The following ZNF831 variants were observed in gnomAD, a reference collection of about 807,000 sequenced individuals.
ZNF831 encodes the protein chromosome 20 open reading frame 174.
Under a neutral mutation model 95.8 loss-of-function variants are expected in ZNF831, and 59 were observed. The ratio of observed to expected loss-of-function variants is 0.62; its 90% CI spans 0.50 to 0.77. The LOEUF (loss-of-function observed/expected upper bound fraction) is 0.77, where lower values mean the gene tolerates loss of function less well. Among genes scored for constraint, ZNF831 ranks in the 30% least tolerant of loss-of-function variants. The pLI is 0.00. For synonymous variants in ZNF831, 961 were observed against 925.5 expected, an observed-to-expected ratio of 1.04 and a Z score of -0.70; for missense variants, 2,205 against 2,164.0, an observed-to-expected ratio of 1.02 and a Z score of -0.38.
In ZNF831 at chr20:59,192,188, C is replaced by T. The variant is rs780825984; in HGVS notation, c.1169C>T (p.Pro390Leu). The T allele has an allele frequency of 2.4e-5, 37 of 1,570,986 alleles. No individual in the cohort carries two copies. Among genetic ancestry groups the T allele is most frequent in the Non-Finnish European group, 3.2e-5 (37 of 1,160,764 alleles). The change falls in exon 2 of 6, where the codon CCC (proline) becomes CTC (leucine). Residue 390 changes from proline (P) to leucine (L), a missense_variant. Transcript: ENST00000371030. This position sits in a 1 kb window ranked among gnomAD's most constrained non-coding sequence, Gnocchi z 5.2. ...GPGPGVAGAE[P>L]GAREAGLELE... ...GGGCCAGGGGTCGCAGGGGCCGAGC[C>T]CGGGGCGCGAGAAGCCGGCCTGGAG...
At chr20:59,139,733 A>T (rs557230107) in intron 1 of ZNF831, among the ~76,000 whole-genome samples, 121 of 152,336 alleles carry the variant, frequency 7.9e-4, no homozygotes, top group African/African-American at 2.9e-3. Flanking sequence ...AAAACTGTAT[A>T]TAATTTTAAA....
chr20:59,229,461 G>T (rs6513430), intron 4 of ZNF831, among the ~76,000 whole-genome samples: 2,364 of 152,268 alleles, frequency 0.016, 57 homozygotes, highest in African/African-American at 0.053. Flanking sequence ...TGATGGTCCT[G>T]ATGGGAGACC....
intron 4 of ZNF831, among the ~76,000 whole-genome samples, chr20:59,223,822 ACACACATACACGCACGGACGTGCACTTG>A (rs779763600): frequency 1.1e-3 from 171 of 152,354 alleles, no homozygotes; most frequent in Non-Finnish European, 1.8e-3. Flanking sequence ...GCTAATTTAA[ACACACATACACGCACGGACGTGCACTTG>A]CACACATACC....
At chr20:59,233,043 C>CACAG (rs1308472101) in intron 4 of ZNF831, among the ~76,000 whole-genome samples, 42 of 134,446 alleles carry the variant, frequency 3.1e-4, no homozygotes, top group African/African-American at 1.2e-3. Context: ...CACACACACA[C>CACAG]ATAGAGAGAG....
chr20:59,249,132 A>G (rs1191117446), intron 4 of ZNF831, among the ~76,000 whole-genome samples: 1 of 152,140 alleles, frequency 6.6e-6, no homozygotes, highest in Non-Finnish European at 1.5e-5. Flanking sequence ...TGTCTAGAAT[A>G]TCCTTTGTGG....
rs1985066060 is a variant in ZNF831 at position 59,208,557 on chromosome 20, A to G, written c.4027+1501A>G. On this transcript the variant is annotated intron_variant, in intron 4 of 5. Transcript: ENST00000371030. The surrounding 1 kb of genome is among the most constrained non-coding windows in gnomAD (Gnocchi z 4.2). ...CCAGGTCCAGCCCAGCACCCTCTGA[A>G]GTGCCAACTCAGGGTACCTGGGAAT... Among the ~76,000 whole-genome samples, 1 of 152,160 alleles carries G rather than the reference A, an allele frequency of 6.6e-6. No homozygotes were observed. Among genetic ancestry groups the G allele is most frequent in the Non-Finnish European group, 1.5e-5 (1 of 68,028 alleles).
chr20:59,174,932 T>A (rs1445265598), intron 1 of ZNF831, among the ~76,000 whole-genome samples: 1 of 152,154 alleles, frequency 6.6e-6, no homozygotes, highest in Non-Finnish European at 1.5e-5. Context: ...GGTGACAGAT[T>A]CTATTTGTTT....
chr20:59,192,582 G>T lies in ZNF831; in HGVS notation c.1563G>T (p.Glu521Asp), dbSNP rs1384254379. ...CCAGGACGTGGCTGGAGCCCAGGGAGCCCCGGGACCCCTGGTCCAGGACGC... is the reference window on the plus strand; with the variant it reads ...CCAGGACGTGGCTGGAGCCCAGGGATCCCCGGGACCCCTGGTCCAGGACGC... The part of the protein sequence containing the change: ...EGSRTWLEPR[E>D]PRDPWSRTQK... The change falls in exon 2 of 6, where the codon GAG becomes GAT. Residue 521 changes from glutamate to aspartate, a missense_variant. Glu to Asp is a conservative substitution (Grantham distance 45). Transcript: ENST00000371030. The surrounding 1 kb of genome is among the most constrained non-coding windows in gnomAD (Gnocchi z 5.2). The T allele has an allele frequency of 1.3e-6, 2 of 1,514,454 alleles. No individual in the cohort carries two copies. The highest frequency in any genetic ancestry group is 2.3e-5 in the East Asian group (1 of 43,752). 93.8% of individuals were successfully genotyped at this position (1,514,454 alleles called of 1,614,324 possible).
intron 4 of ZNF831, among the ~76,000 whole-genome samples, chr20:59,211,779 T>TTGTGTGTGTGTGTGTG (rs11472424): frequency 0.011 from 1,543 of 146,722 alleles, 19 homozygotes; most frequent in African/African-American, 0.037. Flanking sequence ...GGAGCTGACC[T>TTGTGTGTGTGTGTGTG]TGTGTGTGTG....
intron 2 of ZNF831, among the ~76,000 whole-genome samples, chr20:59,195,373 C>T (rs1041947832): frequency 1.1e-4 from 16 of 152,264 alleles, no homozygotes; most frequent in South Asian, 6.2e-4. Context: ...GTGGCTTGGG[C>T]CGCGGCCACT....
Position 59,204,991 on chromosome 20 carries a change from G to A in ZNF831, c.3876-1914G>A, listed in dbSNP as rs183458768. Among the ~76,000 whole-genome samples the A allele has an allele frequency of 6.0e-4, 92 of 152,306 alleles. 1 individual carries two copies. Among genetic ancestry groups the A allele is most frequent in the African/African-American group, 2.1e-3 (88 of 41,570 alleles). On this transcript the variant is annotated intron_variant, in intron 3 of 5. Transcript: ENST00000371030. Reference sequence around the variant, plus strand: ...CTTGGGCTGTTCTCGAAGGCAAAAAGTTTGAAATTCCACCTTGATGAAGTG... The same window carrying A: ...CTTGGGCTGTTCTCGAAGGCAAAAAATTTGAAATTCCACCTTGATGAAGTG...
intron 1 of ZNF831, among the ~76,000 whole-genome samples, chr20:59,189,183 AAAAAAAAT>A (rs933577626): frequency 5.9e-5 from 9 of 152,110 alleles, no homozygotes; most frequent in East Asian, 5.8e-4. Flanking sequence ...GCCATCTCAA[AAAAAAAAT>A]AAAAAAATAA....
chr20:59,159,989 T>C, upstream of ZNF831: 1 of 152,324 alleles, frequency 6.6e-6, no homozygotes, highest in East Asian at 1.9e-4. Context: ...GCTGGCTCTG[T>C]GCCAGGCCCT....
intron 4 of ZNF831, among the ~76,000 whole-genome samples, chr20:59,221,011 T>G (rs1986038033): frequency 6.6e-6 from 1 of 152,202 alleles, no homozygotes; most frequent in Non-Finnish European, 1.5e-5. Flanking sequence ...ATGAAGCCTG[T>G]CCAGGAATAC....
At chr20:59,229,631 A>G (rs1238736504) in intron 4 of ZNF831, among the ~76,000 whole-genome samples, 1 of 152,220 alleles carries the variant, frequency 6.6e-6, no homozygotes, top group Non-Finnish European at 1.5e-5. Flanking sequence ...ATTTTTCCAT[A>G]TAACAAGGCG....
intron 4 of ZNF831, among the ~76,000 whole-genome samples, chr20:59,207,828 G>A (rs1347456778): frequency 6.6e-6 from 1 of 152,226 alleles, no homozygotes; most frequent in Admixed American, 6.5e-5. Context: ...GTGGTTCATT[G>A]TTGTCTGTTT....
In ZNF831 at chr20:59,158,233, T is replaced by C. The variant is rs78245525; in HGVS notation, c.-1280-1419T>C. On this transcript the variant is annotated intron_variant, in intron 2 of 7. Transcript: ENST00000637017. ...AGAAGGCGATTACTCCGGGGGAGCA[T>C]TGGGCACTGAGAGGTTGTGTGCCTT... Among the ~76,000 whole-genome samples, 903 of 152,308 alleles carry C rather than the reference T, an allele frequency of 5.9e-3. 11 individuals are homozygous for C. Among genetic ancestry groups the C allele is most frequent in the African/African-American group, 0.021 (854 of 41,574 alleles).
Position 59,191,155 on chromosome 20 carries a change from C to T in ZNF831, c.136C>T (p.Gln46Ter), listed in dbSNP as rs1268731433. 1 of 1,601,876 alleles carries T rather than the reference C, an allele frequency of 6.2e-7. No homozygotes were observed. The highest frequency in any genetic ancestry group is 2.2e-5 in the East Asian group (1 of 44,812). The stretch of plus-strand genomic sequence containing the variant: ...GGGCCCTGTCCTTCTGCCGCCAGAG[C>T]AGGGCCTGGCCCCCCCCACTGTGTT... Reference protein sequence around the residue: ...TLGPVLLPPEQGLAPPTVFLK... With the variant: ...TLGPVLLPPE The change falls in exon 2 of 6, where the codon CAG becomes TAG. Residue 46 changes from glutamine to a stop codon, truncating the protein, a stop_gained. Coordinates refer to ENST00000371030, the MANE Select transcript of ZNF831 (RefSeq NM_178457.3). LOFTEE classifies it high-confidence loss of function.
intron 4 of ZNF831, among the ~76,000 whole-genome samples, chr20:59,232,040 T>G (rs6015458): frequency 0.34 from 52,254 of 151,982 alleles, 11,035 homozygotes; most frequent in African/African-American, 0.61. Flanking sequence ...CTGAGGGAGA[T>G]CTTATGGATA....
Sources: allele counts gnomAD v4.1 joint callset (sites outside exome capture counted in the v4.1 genomes callset), GRCh38; gene constraint gnomAD v4.1.1; non-coding constraint Gnocchi (gnomAD v3.1); transcripts MANE v1.5; gene names NCBI Gene and HGNC (gene_info 2026-07-23, HGNC 2026-07-21).